The following CSMD3 variants were observed in gnomAD, a reference collection of about 807,000 sequenced individuals.
CSMD3 encodes CUB and Sushi multiple domains 3.
A neutral mutation model predicts 435.2 loss-of-function variants in CSMD3; 177 were observed. The observed-to-expected ratio is 0.41, with a 90% confidence interval of 0.36 to 0.46. CSMD3 has a LOEUF of 0.46. Among genes scored for constraint, CSMD3 ranks in the 20% least tolerant of loss-of-function variants. The pLI, the probability that CSMD3 is intolerant of heterozygous loss-of-function variation, is 0.34. For synonymous variants in CSMD3, 1,656 were observed against 1,520.5 expected (o/e 1.09, Z -2.07); for missense variants, 4,265 against 4,504.6 (o/e 0.95, Z 1.52).
intron 3 of CSMD3, among the ~76,000 whole-genome samples, chr8:113,191,854 A>T (rs2092590471): frequency 6.6e-6 from 1 of 151,818 alleles, no homozygotes; most frequent in Non-Finnish European, 1.5e-5. Flanking sequence ...TGGCTGAGCT[A>T]GTTTGCATTC....
At chr8:112,329,980 C>T (rs977975110) in intron 45 of CSMD3, among the ~76,000 whole-genome samples, 21 of 151,962 alleles carry the variant, frequency 1.4e-4, no homozygotes, top group Non-Finnish European at 1.2e-4. Context: ...TGTCCATACC[C>T]CCGTTCTCTC....
In CSMD3 at chr8:112,292,400, GACA is replaced by G. The variant is rs529879628; in HGVS notation, c.8788+134_8788+136del. 5.7e-6 allele frequency: 4 copies of G among 705,918 alleles called. No homozygotes were observed. In the South Asian group the frequency reaches 7.1e-5, roughly 13 times the overall value. 43.7% of individuals were successfully genotyped at this position (705,918 alleles called of 1,614,324 possible). On this transcript the variant is annotated intron_variant, in intron 55 of 70. Coordinates refer to ENST00000297405, the MANE Select transcript of CSMD3 (RefSeq NM_198123.2). ...AAAAGGAAAGCATTGTTAATGAGAT[GACA>G]TCAGTATTAAAGCTTTTTGTTTTAT...
At chr8:113,135,285 A>T (rs2091388876) in intron 4 of CSMD3, among the ~76,000 whole-genome samples, 2 of 152,002 alleles carry the variant, frequency 1.3e-5, no homozygotes, top group Admixed American at 1.3e-4. Context: ...TAATAAAATA[A>T]ATAAAAATTA....
At chr8:112,799,743 T>C (rs932180797) in intron 13 of CSMD3, among the ~76,000 whole-genome samples, 2 of 151,978 alleles carry the variant, frequency 1.3e-5, no homozygotes, top group Non-Finnish European at 2.9e-5. Context: ...ATATGTTTGA[T>C]AGATTACAAA....
intron 13 of CSMD3, among the ~76,000 whole-genome samples, chr8:112,789,631 C>T (rs7834987): frequency 0.33 from 50,373 of 151,336 alleles, 9,243 homozygotes; most frequent in African/African-American, 0.5. Flanking sequence ...TAATTCAGTT[C>T]CTAAGAAACT....
At chr8:112,328,690 A>G (rs531864951) in intron 45 of CSMD3, among the ~76,000 whole-genome samples, 6 of 152,202 alleles carry the variant, frequency 3.9e-5, no homozygotes, top group Non-Finnish European at 8.8e-5. Context: ...AGGGGATTGG[A>G]TCATGGGGGT....
intron 49 of CSMD3, among the ~76,000 whole-genome samples, chr8:112,313,035 G>C (rs553739398): frequency 1.3e-5 from 2 of 152,074 alleles, no homozygotes; most frequent in Admixed American, 6.6e-5. Flanking sequence ...CCTCTGACAT[G>C]ATTTAGAATG....
chr8:112,800,923 C>T (rs545527957), intron 12 of CSMD3, among the ~76,000 whole-genome samples: 1 of 152,068 alleles, frequency 6.6e-6, no homozygotes, highest in East Asian at 1.9e-4. Context: ...AATTACTTCA[C>T]GTTTTGTCTA....
chr8:112,980,052 T>G (rs934403040), intron 6 of CSMD3, among the ~76,000 whole-genome samples: 7 of 150,844 alleles, frequency 4.6e-5, no homozygotes, highest in South Asian at 2.1e-4. Context: ...AATAGTACAA[T>G]GTTAAATTTG....
At chr8:112,369,244 G>T (rs62514447) in intron 38 of CSMD3, among the ~76,000 whole-genome samples, 1 of 151,660 alleles carries the variant, frequency 6.6e-6, no homozygotes, top group Non-Finnish European at 1.5e-5. Flanking sequence ...AACATTTAAC[G>T]CAGCTATATA....
intron 22 of CSMD3, among the ~76,000 whole-genome samples, chr8:112,618,827 G>T (rs1024973836): frequency 2.6e-5 from 4 of 152,040 alleles, no homozygotes; most frequent in African/African-American, 9.7e-5. Context: ...ATATATTCAT[G>T]ATTAAGTTAA....
intron 6 of CSMD3, among the ~76,000 whole-genome samples, chr8:112,987,516 G>A (rs558535977): frequency 6.6e-6 from 1 of 152,046 alleles, no homozygotes; most frequent in African/African-American, 2.4e-5. Context: ...ATCCTTAAAG[G>A]TAACCTATGA....
At chr8:113,075,199 A>G (rs2089287501) in intron 5 of CSMD3, among the ~76,000 whole-genome samples, 1 of 151,804 alleles carries the variant, frequency 6.6e-6, no homozygotes, top group African/African-American at 2.4e-5. Flanking sequence ...ATCTCGTATT[A>G]AAAACAAATT....
chr8:112,564,587 A>T (rs1453372823), intron 24 of CSMD3, among the ~76,000 whole-genome samples: 1 of 152,012 alleles, frequency 6.6e-6, no homozygotes, highest in Admixed American at 6.6e-5. Context: ...AGTTCAGGGA[A>T]ACTGCTGCCA....
chr8:112,396,532 T>C (rs1830876626), intron 35 of CSMD3, among the ~76,000 whole-genome samples: 1 of 152,104 alleles, frequency 6.6e-6, no homozygotes, highest in Non-Finnish European at 1.5e-5. Flanking sequence ...TATGCAAGAG[T>C]ATCACCATGT....
intron 9 of CSMD3, among the ~76,000 whole-genome samples, chr8:112,926,460 T>A (rs916412650): frequency 1.2e-4 from 18 of 152,158 alleles, no homozygotes; most frequent in African/African-American, 3.9e-4. Context: ...GCTGAGCACA[T>A]TTTTAATTTG....
chr8:113,065,413 G>A (rs1334928186), intron 5 of CSMD3, among the ~76,000 whole-genome samples: 6 of 151,966 alleles, frequency 3.9e-5, no homozygotes, highest in Non-Finnish European at 8.8e-5. Context: ...TTCAGACGGA[G>A]TCTCGCTCTG....
At chr8:112,734,308 GA>G (rs1310843033) in intron 13 of CSMD3, among the ~76,000 whole-genome samples, 1 of 151,468 alleles carries the variant, frequency 6.6e-6, no homozygotes, top group African/African-American at 2.4e-5. Flanking sequence ...GAGAGAGGAG[GA>G]TGTTAAATTT....
At chr8:113,167,449 T>C (rs921639694) in intron 4 of CSMD3, among the ~76,000 whole-genome samples, 1 of 152,278 alleles carries the variant, frequency 6.6e-6, no homozygotes, top group Non-Finnish European at 1.5e-5. Context: ...ATAAATCAAC[T>C]CGTAGGTCTT....
Sources: gnomAD v4.1 joint callset for allele counts (sites outside exome capture counted in the v4.1 genomes callset) on GRCh38, gnomAD v4.1.1 for gene constraint, MANE v1.5 for transcripts, NCBI Gene and HGNC (gene_info 2026-07-23, HGNC 2026-07-21) for gene names.